Variants in PID1 observed in about 807,000 individuals in gnomAD.
PID1 encodes phosphotyrosine interaction domain containing 1, also known as PTB-containing, cubilin and LRP1-interacting protein.
A neutral mutation model predicts 19.1 loss-of-function variants in PID1; 10 were observed. That is an observed-to-expected ratio of 0.52 (90% CI 0.32 to 0.89). The LOEUF (loss-of-function observed/expected upper bound fraction) is 0.89. Ranked by LOEUF, PID1 falls within the 40% of genes least tolerant of loss-of-function variation. PID1 has a pLI of 0.03. For missense variants in PID1, 248 were observed against 285.3 expected (o/e 0.87, Z 0.94); for synonymous variants, 130 against 116.0 (o/e 1.12, Z -0.78).
At chr2:229,053,051 G>C (rs559422904) in intron 2 of PID1, among the ~76,000 whole-genome samples, 76 of 152,226 alleles carry the variant, frequency 5.0e-4, no homozygotes, top group African/African-American at 1.8e-3. Context: ...AGCAACAAAA[G>C]CCTGTGCCAT....
chr2:229,243,449 T>C (rs1048305844), intron 1 of PID1, among the ~76,000 whole-genome samples: 24 of 152,144 alleles, frequency 1.6e-4, no homozygotes, highest in Non-Finnish European at 3.2e-4. Context: ...ATTATAGCAC[T>C]GATTCTGCTG....
At chr2:229,246,779 T>C (rs1281107788) in intron 1 of PID1, among the ~76,000 whole-genome samples, 1 of 152,180 alleles carries the variant, frequency 6.6e-6, no homozygotes, top group Non-Finnish European at 1.5e-5. Flanking sequence ...TTTCTGATTA[T>C]TCCAAGTGCT....
At chr2:229,134,240 T>TG (rs1232148614) in intron 2 of PID1, among the ~76,000 whole-genome samples, 1 of 146,012 alleles carries the variant, frequency 6.8e-6, no homozygotes, top group Non-Finnish European at 1.5e-5. Flanking sequence ...TGTTTTTTTT[T>TG]TTTTTTTTTT....
Position 229,171,209 on chromosome 2 carries a change from AATATGT to A in PID1, c.31-15251_31-15246del, listed in dbSNP as rs201284716. 3.9e-5 allele frequency among the ~76,000 whole-genome samples: 6 copies of A among 152,190 alleles called. 1 individual carries two copies. The East Asian group carries it at 1.2e-3, about 29-fold the overall frequency. ...TTTGCTAGACATAATTCCTTACAGG[AATATGT>A]TTTGGTTGATGCAGGATTGAACATC... On this transcript the variant is annotated intron_variant, in intron 1 of 2. Transcript: ENST00000392055.
intron 2 of PID1, among the ~76,000 whole-genome samples, chr2:229,068,729 C>T (rs973215535): frequency 8.5e-5 from 13 of 152,116 alleles, no homozygotes; most frequent in African/African-American, 2.2e-4. Context: ...CACAGGAAGC[C>T]GCCCGCAAGG....
intron 2 of PID1, among the ~76,000 whole-genome samples, chr2:229,132,075 C>T (rs963338949): frequency 2.0e-5 from 3 of 152,026 alleles, no homozygotes; most frequent in East Asian, 1.9e-4. Context: ...GATGATGGCA[C>T]GTGGTAGAAC....
intron 2 of PID1, among the ~76,000 whole-genome samples, chr2:229,065,657 G>GT (rs1396792918): frequency 1.1e-5 from 1 of 89,580 alleles, no homozygotes; most frequent in African/African-American, 4.1e-5. Context: ...CTTAAGAAAA[G>GT]TTTTTTCATT....
intron 2 of PID1, among the ~76,000 whole-genome samples, chr2:229,133,022 A>G (rs1423132315): frequency 6.6e-6 from 1 of 152,158 alleles, no homozygotes; most frequent in African/African-American, 2.4e-5. Flanking sequence ...GGTGCATTTC[A>G]TGCATTTTTA....
chr2:229,245,085 C>G (rs1689967802), intron 1 of PID1: 1 of 152,124 alleles, frequency 6.6e-6, no homozygotes, highest in Non-Finnish European at 1.5e-5. Context: ...TTTCTTTACA[C>G]TTAAAAGAGC....
chr2:229,154,790 A>AT (rs1480556683), intron 2 of PID1, among the ~76,000 whole-genome samples: 7 of 152,216 alleles, frequency 4.6e-5, no homozygotes, highest in Non-Finnish European at 4.4e-5. Flanking sequence ...CTTGTCTCTG[A>AT]TTTTATTTCC....
At chr2:229,041,822 G>A (rs1027271614) in intron 2 of PID1, among the ~76,000 whole-genome samples, 12 of 151,670 alleles carry the variant, frequency 7.9e-5, no homozygotes, top group Non-Finnish European at 4.4e-5. Context: ...CCAAATGGAA[G>A]GGCATTGCTT....
intron 1 of PID1, among the ~76,000 whole-genome samples, chr2:229,168,171 G>T (rs1574685905): frequency 6.6e-6 from 1 of 152,096 alleles, no homozygotes; most frequent in African/African-American, 2.4e-5. Context: ...CATGTTTAGT[G>T]TTATCTTGAA....
At position 229,027,771 on chromosome 2, in the gene PID1, G is replaced by T. The variant is rs190445948; in HGVS notation, c.178-1663C>A. Among the ~76,000 whole-genome samples the T allele has an allele frequency of 2.6e-4, 40 of 152,332 alleles. No homozygotes were observed. The East Asian group carries it at 7.7e-3, about 29-fold the overall frequency. ...AGAGGCTGTGCTAACCTGAGCACAC[G>T]TAAAGCGGTAGCCTAAGACAGCCCT... On this transcript the variant is annotated intron_variant, in intron 2 of 2. Coordinates refer to ENST00000392055, the MANE Select transcript of PID1 (RefSeq NM_001100818.2).
chr2:229,129,577 G>C (rs1689679262), intron 2 of PID1, among the ~76,000 whole-genome samples: 1 of 152,042 alleles, frequency 6.6e-6, no homozygotes, highest in Non-Finnish European at 1.5e-5. Context: ...AACATATTGG[G>C]CTCTGGATAA....
At chr2:229,197,865 C>T (rs926726194) in intron 1 of PID1, among the ~76,000 whole-genome samples, 1 of 152,026 alleles carries the variant, frequency 6.6e-6, no homozygotes, top group Non-Finnish European at 1.5e-5. Flanking sequence ...GACTATGTTA[C>T]AACCATTTCA....
At chr2:229,111,894 A>G (rs1316307154) in intron 2 of PID1, among the ~76,000 whole-genome samples, 1 of 152,228 alleles carries the variant, frequency 6.6e-6, no homozygotes, top group African/African-American at 2.4e-5. Context: ...AATTATCTCA[A>G]AATGCCAGAG....
intron 2 of PID1, among the ~76,000 whole-genome samples, chr2:229,032,538 T>C (rs1006893217): frequency 6.6e-6 from 1 of 152,166 alleles, no homozygotes; most frequent in Non-Finnish European, 1.5e-5. Flanking sequence ...GGTCACAAAA[T>C]GTGTCCAAAA....
At chr2:229,079,436 T>A (rs1574611722) in intron 2 of PID1, among the ~76,000 whole-genome samples, 1 of 152,200 alleles carries the variant, frequency 6.6e-6, no homozygotes, top group East Asian at 1.9e-4. Context: ...CTCTGAGGAA[T>A]CAAAGATGGG....
chr2:229,161,098 C>G (rs997445021), intron 1 of PID1, among the ~76,000 whole-genome samples: 1 of 152,172 alleles, frequency 6.6e-6, no homozygotes, highest in East Asian at 1.9e-4. Flanking sequence ...GGCTGACCAT[C>G]TGAGTGTCTC....
Sources: gnomAD v4.1 joint callset for allele counts (sites outside exome capture counted in the v4.1 genomes callset) on GRCh38, gnomAD v4.1.1 for gene constraint, MANE v1.5 for transcripts, NCBI Gene and HGNC (gene_info 2026-07-23, HGNC 2026-07-21) for gene names.